FZR1: variants seen among roughly 807,000 people sequenced by gnomAD.
The protein encoded by FZR1 is fizzy-related protein homolog.
Under a neutral mutation model 63.6 loss-of-function variants are expected in FZR1, and 11 were observed. That is an observed-to-expected ratio of 0.17 (90% CI 0.11 to 0.29). The LOEUF is 0.29. Ranked by LOEUF, FZR1 falls within the 10% of genes least tolerant of loss-of-function variation. FZR1 has a pLI of 1.00. For synonymous variants in FZR1, 328 were observed against 297.9 expected, an observed-to-expected ratio of 1.10 and a Z score of -1.04; for missense variants, 440 against 687.5, an observed-to-expected ratio of 0.64 and a Z score of 4.03.
At chr19:3,507,113 C>T (rs2082989452) in intron 1 of FZR1, among the ~76,000 whole-genome samples, 1 of 152,082 alleles carries the variant, frequency 6.6e-6, no homozygotes, top group Non-Finnish European at 1.5e-5. Context: ...TGGATGTCCC[C>T]GTCTCACCTC....
rs1049172455 is a variant in FZR1, at chr19:3,516,841, C to T, written c.-34-6115C>T. Among the ~76,000 whole-genome samples, 2 of 152,238 alleles carry T rather than the reference C, an allele frequency of 1.3e-5. No homozygotes were observed. The highest frequency in any genetic ancestry group is 2.4e-5 in the African/African-American group (1 of 41,458). On this transcript the variant is annotated intron_variant, in intron 1 of 13. Transcript: ENST00000441788. The surrounding 1 kb of genome is among the most constrained non-coding windows in gnomAD (Gnocchi z 6.0). Reference sequence around the variant, plus strand: ...CAACGTTTGGGCCATTGGCTCACGGCGTCTCTGTTGCCCCGGAGGGCTTGT... The same window carrying T: ...CAACGTTTGGGCCATTGGCTCACGGTGTCTCTGTTGCCCCGGAGGGCTTGT...
Position 3,531,900 on chromosome 19 carries a change from CT to C in FZR1, c.824-10del. ...AGGAGAGGCTCACCCCCGCTTCCAC[CT>C]GGCCTCCAGGGGCGCTGGCCTGGAA... On this transcript the variant is annotated splice_polypyrimidine_tract_variant and intron_variant, in intron 9 of 13. Coordinates refer to ENST00000441788, the MANE Select transcript of FZR1 (RefSeq NM_016263.4). 6.3e-7 allele frequency: 1 copy of C among 1,588,288 alleles called. No individual in the cohort carries two copies. Among genetic ancestry groups the C allele is most frequent in the Non-Finnish European group, 8.5e-7 (1 of 1,169,776 alleles).
At chr19:3,522,435 G>T (rs2083111043) in intron 1 of FZR1, among the ~76,000 whole-genome samples, 2 of 152,220 alleles carry the variant, frequency 1.3e-5, no homozygotes, top group South Asian at 4.1e-4. Context: ...TGCGGATGTG[G>T]CTTGTCCACA....
At chr19:3,519,703 C>T (rs2083084224) in intron 1 of FZR1, among the ~76,000 whole-genome samples, 1 of 152,222 alleles carries the variant, frequency 6.6e-6, no homozygotes, top group African/African-American at 2.4e-5. Flanking sequence ...CTCTGCACAG[C>T]CTGGACTGAG....
intron 1 of FZR1, among the ~76,000 whole-genome samples, chr19:3,518,233 C>G (rs925160880): frequency 1.3e-5 from 2 of 152,008 alleles, no homozygotes; most frequent in East Asian, 1.9e-4. Flanking sequence ...AGGCTGGTGT[C>G]GAACTCCTGA....
At chr19:3,519,290 C>A (rs555011561) in intron 1 of FZR1, among the ~76,000 whole-genome samples, 10 of 152,246 alleles carry the variant, frequency 6.6e-5, no homozygotes, top group Non-Finnish European at 1.3e-4. Context: ...GGACCCTACG[C>A]CCCTGGCAGT....
chr19:3,508,014 T>C (rs903539644), intron 1 of FZR1, among the ~76,000 whole-genome samples: 1 of 151,868 alleles, frequency 6.6e-6, no homozygotes, highest in Non-Finnish European at 1.5e-5. Flanking sequence ...GGGAGGGGTA[T>C]CTTGGCAAGG....
intron 7 of FZR1, 123 bp from the exon 8 acceptor site, chr19:3,530,669 G>A: frequency 1.4e-6 from 1 of 697,424 alleles, no homozygotes; most frequent in Admixed American, 2.3e-5. Flanking sequence ...TGGGAGAGTG[G>A]ATGAGATTGG....
rs1246018003 is a variant in FZR1, at chr19:3,530,988, C to T, written c.720+131C>T. Reference sequence around the variant, plus strand: ...TGTGTCCAAGCATAGGTCTGTGTCCCCCACTGTCCCCGGCCTTAGTGTGGT... The same window carrying T: ...TGTGTCCAAGCATAGGTCTGTGTCCTCCACTGTCCCCGGCCTTAGTGTGGT... On this transcript the variant is annotated intron_variant, in intron 8 of 13. Transcript: ENST00000441788. 12 of 648,110 alleles carry T rather than the reference C, an allele frequency of 1.9e-5. No individual in the cohort carries two copies. The Middle Eastern group carries it at 1.2e-3, about 65-fold the overall frequency. The allele number at this position is 648,110 out of a possible 1,614,324, so 40.1% of individuals were successfully genotyped here.
rs1330089264 is a variant in FZR1 at position 3,525,437 on chromosome 19, T to TTC, written c.70-430_70-429insCT. ...GGCTCCCCTCCTTGGGTTTTCTTTT[T>TTC]TTTTTTTTTTTTTTTTTTTTTTTGA... On this transcript the variant is annotated intron_variant, in intron 2 of 13. Coordinates refer to ENST00000441788, the MANE Select transcript of FZR1 (RefSeq NM_016263.4). This position sits in a 1 kb window ranked among gnomAD's most constrained non-coding sequence, Gnocchi z 4.2. Among the ~76,000 whole-genome samples, 90 of 123,048 alleles carry TTC rather than the reference T, an allele frequency of 7.3e-4. 3 individuals carry two copies. Among genetic ancestry groups the TTC allele is most frequent in the African/African-American group, 3.1e-3 (83 of 26,956 alleles). The allele number at this position is 123,048 out of a possible 152,430, so 80.7% of individuals were successfully genotyped here.
At chr19:3,513,603 AGCT>A (rs1210785203) in intron 1 of FZR1, among the ~76,000 whole-genome samples, 1 of 152,234 alleles carries the variant, frequency 6.6e-6, no homozygotes, top group Non-Finnish European at 1.5e-5. Context: ...CAGCTGTGCC[AGCT>A]GGTAGGCACG....
Position 3,525,911 on chromosome 19 carries a change from T to C in FZR1, c.113T>C (p.Val38Ala), listed in dbSNP as rs1052945805. The C allele has an allele frequency of 1.9e-6, 3 of 1,612,260 alleles. No homozygotes were observed. Among genetic ancestry groups the C allele is most frequent in the Non-Finnish European group, 2.5e-6 (3 of 1,179,926 alleles). Residue 38 changes from valine to alanine, a missense_variant, in exon 3 of 14, where the codon GTG (valine) becomes GCG (alanine). This residue lies in a region of FZR1 where 200 missense variants were observed against 245.1 expected (regional missense o/e 0.82). Transcript: ENST00000441788. The surrounding 1 kb of genome is among the most constrained non-coding windows in gnomAD (Gnocchi z 4.2). ...ACCCTGACGCCTGCCAGCTCCCCAGTGTCCTCGCCCAGCAAGCACGGAGAC... is the reference window on the plus strand; with the variant it reads ...ACCCTGACGCCTGCCAGCTCCCCAGCGTCCTCGCCCAGCAAGCACGGAGAC... ...RRTLTPASSP[V>A]SSPSKHGDRF...
At chr19:3,520,034 C>A (rs1000115939) in intron 1 of FZR1, among the ~76,000 whole-genome samples, 1 of 152,220 alleles carries the variant, frequency 6.6e-6, no homozygotes, top group African/African-American at 2.4e-5. Context: ...GGGGGCCCCA[C>A]ACCCACACCT....
rs747191564 is a variant in FZR1 at position 3,531,921 on chromosome 19, C to T, written c.834C>T (p.Ala278=). The T allele has an allele frequency of 4.4e-6, 7 of 1,596,146 alleles. No homozygotes were observed. The South Asian group carries it at 7.9e-5, about 18-fold the overall frequency. The change falls in exon 10 of 14, where the codon GCC becomes GCT. Residue 278 remains alanine (A), a synonymous_variant. Transcript: ENST00000441788. ...CCACCTGGCCTCCAGGGGCGCTGGC[C>T]TGGAATGCTGAGCAGCTGTCGTCCG... ...EGHTARVGAL[A]WNAEQLSSGS...
At position 3,526,393 on chromosome 19, in the gene FZR1, C is replaced by G. The variant is rs1471731642; in HGVS notation, c.387+7C>G. ...GAAGAAGGGTCTGTTCACGGTAAGCCTGCGGCACCCCCCACCCGGGAGCTG... is the reference window on the plus strand; with the variant it reads ...GAAGAAGGGTCTGTTCACGGTAAGCGTGCGGCACCCCCCACCCGGGAGCTG... On this transcript the variant is annotated splice_region_variant and intron_variant, in intron 5 of 13. Transcript: ENST00000441788. This position sits in a 1 kb window ranked among gnomAD's most constrained non-coding sequence, Gnocchi z 5.4. The G allele has an allele frequency of 6.4e-7, 1 of 1,564,978 alleles. No homozygotes were observed. Among genetic ancestry groups the G allele is most frequent in the South Asian group, 1.2e-5 (1 of 86,662 alleles).
Position 3,526,328 on chromosome 19 carries a change from C to T in FZR1, c.329C>T (p.Pro110Leu), listed in dbSNP as rs747260291. Residue 110 changes from proline to leucine, a missense_variant, in exon 5 of 14, where the codon CCG becomes CTG. Around this residue, in one of 5 missense-constraint regions of FZR1, gnomAD observed 200 missense variants for 245.1 expected, o/e 0.82. Transcript: ENST00000441788. This position sits in a 1 kb window ranked among gnomAD's most constrained non-coding sequence, Gnocchi z 5.4. ...GCCGGCATCGAGAAGGTGCAGGACCCGCAGACTGAGGACCGCAGGCTGCAG... is the reference window on the plus strand; with the variant it reads ...GCCGGCATCGAGAAGGTGCAGGACCTGCAGACTGAGGACCGCAGGCTGCAG... ...LGAGIEKVQD[P>L]QTEDRRLQPS... 1.9e-5 allele frequency: 31 copies of T among 1,603,480 alleles called. No homozygotes were observed. Among genetic ancestry groups the T allele is most frequent in the Middle Eastern group, 1.7e-4 (1 of 6,052 alleles).
chr19:3,528,127 A>G (rs2083180923), intron 7 of FZR1, among the ~76,000 whole-genome samples: 1 of 152,154 alleles, frequency 6.6e-6, no homozygotes, highest in Non-Finnish European at 1.5e-5. Context: ...TGGAGCCACA[A>G]TCTCTGTTCA....
intron 1 of FZR1, among the ~76,000 whole-genome samples, chr19:3,506,726 C>A (rs557613680): frequency 6.6e-6 from 1 of 152,116 alleles, no homozygotes; most frequent in East Asian, 1.9e-4. Context: ...GTGACCCCCA[C>A]CCCGAGCCAC....
chr19:3,526,024 C>T lies in FZR1; in HGVS notation c.195+31C>T, dbSNP rs2083153193. On this transcript the variant is annotated intron_variant, in intron 3 of 13. Coordinates refer to ENST00000441788, the MANE Select transcript of FZR1 (RefSeq NM_016263.4). The surrounding 1 kb of genome is among the most constrained non-coding windows in gnomAD (Gnocchi z 5.4). ...GGGCTGGCTGGGCAGGAGATGGGAC[C>T]CCCCGGGAAGCCCAGGGCCCCTCCC... is the stretch of plus-strand genomic sequence containing the variant. The T allele has an allele frequency of 6.2e-7, 1 of 1,611,248 alleles. No homozygotes were observed.
Sources: gnomAD v4.1 joint callset for allele counts (sites outside exome capture counted in the v4.1 genomes callset) on GRCh38, gnomAD v4.1.1 for gene constraint, gnomAD v4.1.1 regional missense constraint, Gnocchi (gnomAD v3.1) non-coding constraint, MANE v1.5 for transcripts, NCBI Gene and HGNC (gene_info 2026-07-23, HGNC 2026-07-21) for gene names.